Variants in GRIP1 observed in about 807,000 individuals in gnomAD.
GRIP1 encodes glutamate receptor-interacting protein 1.
In GRIP1, 45 loss-of-function variants were observed where a neutral mutation model predicts 129.9. That is an observed-to-expected ratio of 0.35 (90% CI 0.27 to 0.44). The LOEUF is 0.44. GRIP1 is among the 20% of genes least tolerant of loss of function. The probability of loss-of-function intolerance (pLI) is 1.00; values close to 1 mark genes in which losing one functional copy is unlikely to be tolerated. For synonymous variants in GRIP1, 530 were observed against 520.8 expected (o/e 1.02, Z -0.24); for missense variants, 1,196 against 1,396.8 (o/e 0.86, Z 2.29).
chr12:66,524,745 G>A (rs1164377468), intron 5 of GRIP1, among the ~76,000 whole-genome samples: 1 of 152,134 alleles, frequency 6.6e-6, no homozygotes. Context: ...CCAGGAGCTG[G>A]TTTTTTGAAA....
At chr12:66,916,364 G>A (rs1192017800) in intron 1 of GRIP1, among the ~76,000 whole-genome samples, 1 of 152,134 alleles carries the variant, frequency 6.6e-6, no homozygotes. Flanking sequence ...GAAGAACCTG[G>A]TGTTCATGCT....
chr12:66,371,913 C>T lies in GRIP1; in HGVS notation c.2793G>A (p.Ser931=), dbSNP rs371224677. 83 of 1,609,424 alleles carry T rather than the reference C, an allele frequency of 5.2e-5. No individual in the cohort carries two copies. The highest frequency in any genetic ancestry group is 2.4e-4 in the South Asian group (22 of 91,004). Residue 931 remains serine, a synonymous_variant, in exon 23 of 25, where the codon TCG becomes TCA. Coordinates refer to ENST00000359742, the MANE Select transcript of GRIP1 (RefSeq NM_001366722.1). ...CATGATTCAAACTCATCGTGCTCCCCGACATGATTGTTGCCTGTGGCATTG... is the reference window on the plus strand; with the variant it reads ...CATGATTCAAACTCATCGTGCTCCCTGACATGATTGTTGCCTGTGGCATTG... ...RNMTLLATIM[S]GSTMSLNHEA...
intron 1 of GRIP1, among the ~76,000 whole-genome samples, chr12:66,970,158 T>C (rs926657000): frequency 2.0e-5 from 3 of 152,140 alleles, no homozygotes; most frequent in Non-Finnish European, 4.4e-5. Context: ...CACAGCTTAC[T>C]GCAGTCTTGA....
At chr12:67,013,628 T>C (rs949778002) in intron 1 of GRIP1, among the ~76,000 whole-genome samples, 1 of 152,198 alleles carries the variant, frequency 6.6e-6, no homozygotes, top group African/African-American at 2.4e-5. Context: ...CAGGGAATTC[T>C]AGTTAACTTG....
intron 1 of GRIP1, among the ~76,000 whole-genome samples, chr12:66,758,879 G>A (rs1224819403): frequency 6.6e-6 from 1 of 152,154 alleles, no homozygotes; most frequent in Non-Finnish European, 1.5e-5. Context: ...CTCTGCTCCT[G>A]TGGCTTTTCG....
intron 11 of GRIP1, among the ~76,000 whole-genome samples, chr12:66,453,274 A>G (rs2058861212): frequency 6.6e-6 from 1 of 152,224 alleles, no homozygotes; most frequent in Non-Finnish European, 1.5e-5. Context: ...AGTCTTACCT[A>G]ACACAAACAA....
At chr12:66,881,411 C>G (rs1228829076) in intron 1 of GRIP1, among the ~76,000 whole-genome samples, 1 of 152,152 alleles carries the variant, frequency 6.6e-6, no homozygotes, top group Non-Finnish European at 1.5e-5. Flanking sequence ...ATTAATAAAT[C>G]TCTGTGCTAA....
chr12:66,551,933 T>C (rs1341219859), intron 2 of GRIP1, among the ~76,000 whole-genome samples: 1 of 152,076 alleles, frequency 6.6e-6, no homozygotes, highest in Non-Finnish European at 1.5e-5. Context: ...CCAGAACTAC[T>C]GTGCGGGGAT....
intron 2 of GRIP1, among the ~76,000 whole-genome samples, chr12:66,554,755 C>T (rs1327956046): frequency 1.3e-5 from 2 of 152,044 alleles, no homozygotes; most frequent in Non-Finnish European, 2.9e-5. Context: ...GGTACTTTGG[C>T]AGTATTCCCC....
At chr12:66,893,398 C>A (rs190996890) in intron 1 of GRIP1, among the ~76,000 whole-genome samples, 1 of 152,188 alleles carries the variant, frequency 6.6e-6, no homozygotes, top group Non-Finnish European at 1.5e-5. Context: ...CACCACCACA[C>A]CCGACTAATT....
At chr12:66,627,635 T>G (rs1388443194) in intron 1 of GRIP1, among the ~76,000 whole-genome samples, 1 of 152,164 alleles carries the variant, frequency 6.6e-6, no homozygotes, top group African/African-American at 2.4e-5. Flanking sequence ...CCATGCCATT[T>G]GAGTGGAGCT....
intron 14 of GRIP1, among the ~76,000 whole-genome samples, chr12:66,431,967 G>A (rs561259574): frequency 6.6e-6 from 1 of 152,188 alleles, no homozygotes; most frequent in African/African-American, 2.4e-5. Flanking sequence ...TAAAGTAAGA[G>A]ACATTGTTTT....
At chr12:66,837,542 G>A (rs909279835) in intron 1 of GRIP1, among the ~76,000 whole-genome samples, 2 of 152,082 alleles carry the variant, frequency 1.3e-5, no homozygotes, top group Admixed American at 6.6e-5. Flanking sequence ...AATGAGGCTG[G>A]GGAAGTTGGC....
intron 1 of GRIP1, among the ~76,000 whole-genome samples, chr12:66,815,878 C>CTCTT (rs1399963599): frequency 7.1e-6 from 1 of 140,336 alleles, no homozygotes; most frequent in African/African-American, 2.8e-5. Flanking sequence ...CTCTCTCTCT[C>CTCTT]TCTTTCTTTC....
intron 1 of GRIP1, among the ~76,000 whole-genome samples, chr12:66,907,813 A>G (rs1042435469): frequency 2.0e-5 from 3 of 152,192 alleles, no homozygotes; most frequent in Admixed American, 6.5e-5. Flanking sequence ...AGATTCCTAC[A>G]TCAATTGCAC....
intron 1 of GRIP1, among the ~76,000 whole-genome samples, chr12:66,959,750 A>T (rs569653591): frequency 6.6e-6 from 1 of 152,264 alleles, no homozygotes; most frequent in African/African-American, 2.4e-5. Context: ...TAATTTTTTT[A>T]AATATTTTAG....
intron 1 of GRIP1, among the ~76,000 whole-genome samples, chr12:66,959,036 A>G (rs1041072244): frequency 4.0e-4 from 61 of 152,238 alleles, no homozygotes; most frequent in Admixed American, 3.9e-3. Flanking sequence ...AACGTCTTAA[A>G]TAGGTCTTTG....
chr12:66,798,054 G>T (rs1480119787), intron 1 of GRIP1, among the ~76,000 whole-genome samples: 2 of 152,144 alleles, frequency 1.3e-5, no homozygotes, highest in Non-Finnish European at 2.9e-5. Context: ...GCTCTTCCAA[G>T]GGGAATGAAA....
chr12:66,851,787 T>C (rs1257021663), intron 1 of GRIP1, among the ~76,000 whole-genome samples: 1 of 152,112 alleles, frequency 6.6e-6, no homozygotes, highest in Non-Finnish European at 1.5e-5. Flanking sequence ...CATTTCTTCA[T>C]TCTCTGAATT....
Sources: allele counts gnomAD v4.1 joint callset (sites outside exome capture counted in the v4.1 genomes callset), GRCh38; gene constraint gnomAD v4.1.1; transcripts MANE v1.5; gene names NCBI Gene and HGNC (gene_info 2026-07-23, HGNC 2026-07-21).